TFPI: variants seen among roughly 807,000 people sequenced by gnomAD.
The protein encoded by TFPI is anti-convertin.
A neutral mutation model predicts 34.6 loss-of-function variants in TFPI; 15 were observed. The ratio of observed to expected loss-of-function variants is 0.43; its 90% CI spans 0.29 to 0.67. The LOEUF is 0.67. TFPI is among the 30% of genes least tolerant of loss of function. The probability of loss-of-function intolerance (pLI) is 0.15; values close to 1 mark genes in which losing one functional copy is unlikely to be tolerated. For synonymous variants in TFPI, 105 were observed against 120.1 expected (o/e 0.87, Z 0.82); for missense variants, 301 against 364.0 (o/e 0.83, Z 1.41).
intron 1 of TFPI, among the ~76,000 whole-genome samples, chr2:187,507,580 T>C (rs1163572462): frequency 6.6e-6 from 1 of 152,120 alleles, no homozygotes; most frequent in Admixed American, 6.6e-5. Context: ...ATGGGCTTTT[T>C]TTCATATGTT....
At chr2:187,539,580 C>A (rs750462569) in intron 1 of TFPI, among the ~76,000 whole-genome samples, 2 of 152,090 alleles carry the variant, frequency 1.3e-5, no homozygotes, top group African/African-American at 4.8e-5. Flanking sequence ...TTTTCCTCAG[C>A]AAAATTTAAT....
intron 1 of TFPI, among the ~76,000 whole-genome samples, chr2:187,530,297 GT>G (rs1358022139): frequency 6.6e-6 from 1 of 152,136 alleles, no homozygotes; most frequent in Non-Finnish European, 1.5e-5. Flanking sequence ...CAGAAGGCTT[GT>G]TTTGAAATTG....
chr2:187,539,580 C>T (rs750462569), intron 1 of TFPI, among the ~76,000 whole-genome samples: 22 of 152,090 alleles, frequency 1.4e-4, no homozygotes, highest in African/African-American at 2.2e-4. Flanking sequence ...TTTTCCTCAG[C>T]AAAATTTAAT....
chr2:187,520,937 AT>A (rs1231267210), intron 1 of TFPI, among the ~76,000 whole-genome samples: 1 of 151,558 alleles, frequency 6.6e-6, no homozygotes, highest in Non-Finnish European at 1.5e-5. Flanking sequence ...TGAGTTTTTA[AT>A]TTTTTCTGAG....
chr2:187,500,985 C>A (rs1427344185), intron 2 of TFPI, among the ~76,000 whole-genome samples: 1 of 152,172 alleles, frequency 6.6e-6, no homozygotes, highest in Non-Finnish European at 1.5e-5. Context: ...CATATAGACA[C>A]TAAGGACTTA....
intron 6 of TFPI, among the ~76,000 whole-genome samples, chr2:187,480,450 T>C (rs1457849680): frequency 2.0e-5 from 3 of 152,100 alleles, no homozygotes; most frequent in East Asian, 1.9e-4. Flanking sequence ...TCATTTTACA[T>C]TGGAAAGATG....
At chr2:187,534,654 G>A (rs1688145861) in intron 1 of TFPI, among the ~76,000 whole-genome samples, 1 of 152,078 alleles carries the variant, frequency 6.6e-6, no homozygotes, top group Non-Finnish European at 1.5e-5. Context: ...TGAAGCAACT[G>A]CATCAACTAA....
At chr2:187,486,950 A>C (rs1267520763) in intron 4 of TFPI, among the ~76,000 whole-genome samples, 1 of 151,654 alleles carries the variant, frequency 6.6e-6, no homozygotes, top group Non-Finnish European at 1.5e-5. Context: ...AAATTGATCA[A>C]GTCTTTGTTA....
At chr2:187,534,894 C>CAAAAAAAAA (rs141872954) in intron 1 of TFPI, among the ~76,000 whole-genome samples, 1 of 138,748 alleles carries the variant, frequency 7.2e-6, no homozygotes, top group Non-Finnish European at 1.6e-5. Context: ...AAATGGAAAG[C>CAAAAAAAAA]AAAAAAAAAA....
chr2:187,495,936 T>TAA (rs544150327), intron 3 of TFPI, among the ~76,000 whole-genome samples: 1 of 146,988 alleles, frequency 6.8e-6, no homozygotes, highest in Non-Finnish European at 1.5e-5. Flanking sequence ...AGCCTGACAT[T>TAA]AAAAAAAAAA....
chr2:187,488,254 A>G, intron 4 of TFPI, 83 bp downstream of exon 4: 1 of 1,189,304 alleles, frequency 8.4e-7, no homozygotes, highest in Non-Finnish European at 1.2e-6. Flanking sequence ...GACCAGAAAA[A>G]ACAAACAAGC....
At chr2:187,532,603 C>T (rs147659323) in intron 1 of TFPI, among the ~76,000 whole-genome samples, 1 of 152,192 alleles carries the variant, frequency 6.6e-6, no homozygotes, top group East Asian at 1.9e-4. Context: ...GAGATTCCAT[C>T]GCGTGCTTAC....
intron 1 of TFPI, chr2:187,546,789 A>T (rs1688890438): frequency 6.6e-6 from 1 of 151,648 alleles, no homozygotes; most frequent in Non-Finnish European, 1.5e-5. Flanking sequence ...CTGTTTCCTG[A>T]AGAGTTGCTC....
chr2:187,494,828 T>C (rs1025607381), intron 3 of TFPI, among the ~76,000 whole-genome samples: 1 of 152,196 alleles, frequency 6.6e-6, no homozygotes, highest in Non-Finnish European at 1.5e-5. Flanking sequence ...TTTTAAGCAA[T>C]TCTCCTGTCT....
chr2:187,481,523 C>T (rs957307489), intron 6 of TFPI, among the ~76,000 whole-genome samples: 4 of 151,880 alleles, frequency 2.6e-5, no homozygotes, highest in Non-Finnish European at 4.4e-5. Flanking sequence ...TTCGAAATCA[C>T]GTAGGTTTTA....
chr2:187,490,166 T>A (rs1235172992), intron 3 of TFPI, among the ~76,000 whole-genome samples: 1 of 151,656 alleles, frequency 6.6e-6, no homozygotes, highest in Non-Finnish European at 1.5e-5. Context: ...TGCTTCTAAA[T>A]CCATTCAAAA....
At chr2:187,548,128 A>G (rs1205111429) in intron 1 of TFPI, among the ~76,000 whole-genome samples, 1 of 152,126 alleles carries the variant, frequency 6.6e-6, no homozygotes, top group African/African-American at 2.4e-5. Context: ...TTTCTTTAAT[A>G]AAGATATTAA....
intron 1 of TFPI, among the ~76,000 whole-genome samples, chr2:187,512,202 G>A (rs1421673620): frequency 7.1e-6 from 1 of 141,830 alleles, no homozygotes; most frequent in Non-Finnish European, 1.5e-5. Flanking sequence ...TTTGCTAACA[G>A]AAGAAAGTAG....
In TFPI at chr2:187,490,052, A is replaced by C. The variant is rs529446998; in HGVS notation, c.320-1677T>G. Among the ~76,000 whole-genome samples the C allele has an allele frequency of 2.8e-4, 43 of 151,728 alleles. No individual in the cohort carries two copies. In the South Asian group the frequency reaches 7.5e-3, roughly 26 times the overall value. On this transcript the variant is annotated intron_variant, in intron 3 of 7. Transcript: ENST00000233156. ...GAATTTGTTTTAATATTTCATTATG[A>C]ATATTAAGATGTAAGACTGACAAGC...
Sources: allele counts gnomAD v4.1 joint callset (sites outside exome capture counted in the v4.1 genomes callset), GRCh38; gene constraint gnomAD v4.1.1; transcripts MANE v1.5; gene names NCBI Gene and HGNC (gene_info 2026-07-23, HGNC 2026-07-21).